Variants in NBAS observed in about 807,000 individuals in gnomAD.
The protein encoded by NBAS is NBAS subunit of NRZ tethering complex, also known as NAG/BC035112 fusion.
Under a neutral mutation model 302.5 loss-of-function variants are expected in NBAS, and 219 were observed. That is an observed-to-expected ratio of 0.72 (90% CI 0.65 to 0.81). The LOEUF is 0.81. Among genes scored for constraint, NBAS ranks in the 30% least tolerant of loss-of-function variants. NBAS has a pLI of 0.00. For synonymous variants in NBAS, 1,118 were observed against 1,021.6 expected (o/e 1.09, Z -1.80); for missense variants, 2,932 against 2,841.6 (o/e 1.03, Z -0.72).
chr2:14,849,096 G>A, the NBAS span, among the ~76,000 whole-genome samples: 5 of 148,994 alleles, frequency 3.4e-5, no homozygotes, highest in Middle Eastern at 3.4e-3. Context: ...GACGAGCTGA[G>A]AGAAGAAGGC....
rs187228582 is a variant in NBAS at position 15,313,548 on chromosome 2, T to A, written c.4583-4301A>T. On this transcript the variant is annotated intron_variant, in intron 38 of 51. Transcript: ENST00000281513. ...GACAATGTTATGCTATGACAAACAA[T>A]TAATATATGCCATTTTAAGAATGTG... is the stretch of plus-strand genomic sequence containing the variant. 2.6e-5 allele frequency among the ~76,000 whole-genome samples: 4 copies of A among 152,346 alleles called. No individual in the cohort carries two copies. The East Asian group carries it at 7.7e-4, about 29-fold the overall frequency.
At chr2:15,235,870 A>C (rs952760929) in intron 45 of NBAS, among the ~76,000 whole-genome samples, 1 of 152,206 alleles carries the variant, frequency 6.6e-6, no homozygotes, top group Non-Finnish European at 1.5e-5. Flanking sequence ...TGAGTTAAGC[A>C]GGGCAATTTC....
At chr2:15,360,954 CAGTA>C (rs1347537403) in intron 32 of NBAS, among the ~76,000 whole-genome samples, 2 of 152,088 alleles carry the variant, frequency 1.3e-5, no homozygotes, top group Non-Finnish European at 2.9e-5. Flanking sequence ...ACACTTAAGC[CAGTA>C]ACATAGTCAT....
chr2:15,269,624 A>G (rs1449756221), intron 44 of NBAS, among the ~76,000 whole-genome samples: 1 of 152,328 alleles, frequency 6.6e-6, no homozygotes, highest in African/African-American at 2.4e-5. Context: ...ATATTAATGA[A>G]TGAGATTTTT....
Position 15,330,611 on chromosome 2 carries a change from A to G in NBAS, c.4334T>C (p.Leu1445Pro). ...TGCACTGCTTACCTGAAGGGGTCGAAGGTAAGTTAAAGACTTCTTCCACCA... is the reference window on the plus strand; with the variant it reads ...TGCACTGCTTACCTGAAGGGGTCGAGGGTAAGTTAAAGACTTCTTCCACCA... ...GQWWKKSLTY[L>P]RPLQGQKCGG... The change falls in exon 36 of 52, where the codon CTT becomes CCT. Residue 1445 changes from leucine (L) to proline (P), a missense_variant. By Grantham distance (98) the Leu-to-Pro change is moderately conservative (BLOSUM62 -3). Transcript: ENST00000281513. The G allele has an allele frequency of 6.2e-7, 1 of 1,613,916 alleles. No individual in the cohort carries two copies. The highest frequency in any genetic ancestry group is 8.5e-7 in the Non-Finnish European group (1 of 1,179,848).
At chr2:15,517,684 G>GT (rs149873458) in intron 9 of NBAS, among the ~76,000 whole-genome samples, 13,522 of 152,118 alleles carry the variant, frequency 0.089, 1,933 homozygotes, top group African/African-American at 0.3. Context: ...GGAAAATACT[G>GT]TAAGTGAAAA....
At chr2:15,215,835 G>A (rs1195575365) in intron 48 of NBAS, among the ~76,000 whole-genome samples, 1 of 152,120 alleles carries the variant, frequency 6.6e-6, no homozygotes, top group African/African-American at 2.4e-5. Context: ...GTAGAGGGAG[G>A]ATGGTCACAC....
chr2:14,865,203 G>T, the NBAS span, among the ~76,000 whole-genome samples: 7 of 151,996 alleles, frequency 4.6e-5, no homozygotes, highest in Non-Finnish European at 7.4e-5. Flanking sequence ...TGGGGTGAGT[G>T]GGGGGGAATA....
the NBAS span, among the ~76,000 whole-genome samples, chr2:14,996,848 G>A: frequency 2.0e-5 from 3 of 152,150 alleles, no homozygotes; most frequent in South Asian, 6.2e-4. Flanking sequence ...CTCTAGCAAA[G>A]CTGTGTGCAA....
At chr2:15,057,876 A>C in the NBAS span, among the ~76,000 whole-genome samples, 1 of 152,212 alleles carries the variant, frequency 6.6e-6, no homozygotes, top group Non-Finnish European at 1.5e-5. Context: ...TTGTGCTGCT[A>C]TAAACATGCG....
intron 32 of NBAS, among the ~76,000 whole-genome samples, chr2:15,366,347 C>A (rs1460843477): frequency 2.0e-5 from 3 of 152,074 alleles, no homozygotes. Context: ...TTTTATAACA[C>A]GTCAATTTTT....
the NBAS span, among the ~76,000 whole-genome samples, chr2:14,822,544 AC>A: frequency 6.6e-6 from 1 of 152,084 alleles, no homozygotes. Flanking sequence ...AAGGTCATGA[AC>A]CCCAAGCAGG....
chr2:14,959,113 C>T, the NBAS span, among the ~76,000 whole-genome samples: 2 of 152,164 alleles, frequency 1.3e-5, no homozygotes, highest in African/African-American at 4.8e-5. Flanking sequence ...GTGTTTGTGT[C>T]CTTACTCCAC....
chr2:15,527,291 A>G (rs1039015283), intron 9 of NBAS, among the ~76,000 whole-genome samples: 1 of 152,254 alleles, frequency 6.6e-6, no homozygotes, highest in African/African-American at 2.4e-5. Flanking sequence ...TATACAGTAC[A>G]TATTCCTTGC....
the NBAS span, among the ~76,000 whole-genome samples, chr2:14,871,755 A>G: frequency 6.6e-6 from 1 of 152,162 alleles, no homozygotes; most frequent in African/African-American, 2.4e-5. Flanking sequence ...AATCATTAAA[A>G]TATTGTGATA....
At chr2:14,791,446 G>A in the NBAS span, among the ~76,000 whole-genome samples, 1 of 152,166 alleles carries the variant, frequency 6.6e-6, no homozygotes, top group African/African-American at 2.4e-5. Flanking sequence ...AGGAACAATT[G>A]AGAATTCACT....
At chr2:14,878,086 G>T in the NBAS span, among the ~76,000 whole-genome samples, 2 of 152,144 alleles carry the variant, frequency 1.3e-5, no homozygotes, top group Non-Finnish European at 2.9e-5. Context: ...ACTACAGCGT[G>T]CCAGGGCCTA....
chr2:15,419,169 A>C (rs1677086527), intron 23 of NBAS, among the ~76,000 whole-genome samples: 1 of 152,208 alleles, frequency 6.6e-6, no homozygotes, highest in South Asian at 2.1e-4. Flanking sequence ...TAAGGGGCTA[A>C]ACTATGACAG....
At chr2:15,523,923 A>G (rs1270057531) in intron 9 of NBAS, among the ~76,000 whole-genome samples, 2 of 152,186 alleles carry the variant, frequency 1.3e-5, no homozygotes, top group Admixed American at 1.3e-4. Flanking sequence ...CTAAATAAAT[A>G]AATAAATAAA....
Sources: allele counts gnomAD v4.1 joint callset (sites outside exome capture counted in the v4.1 genomes callset), GRCh38; gene constraint gnomAD v4.1.1; transcripts MANE v1.5; gene names NCBI Gene and HGNC (gene_info 2026-07-23, HGNC 2026-07-21).